SORBS2: variants seen among roughly 807,000 people sequenced by gnomAD.
SORBS2 encodes sorbin and SH3 domain-containing protein 2.
SORBS2 carries 46 observed loss-of-function variants against 97.7 expected under a neutral mutation model. That is an observed-to-expected ratio of 0.47 (90% CI 0.37 to 0.60). The LOEUF is 0.60. SORBS2 is among the 20% of genes least tolerant of loss of function. SORBS2 has a pLI of 0.00. For missense variants in SORBS2, 1,316 were observed against 1,282.3 expected, an observed-to-expected ratio of 1.03 and a Z score of -0.40; for synonymous variants, 476 against 473.4, an observed-to-expected ratio of 1.01 and a Z score of -0.07.
Position 185,947,789 on chromosome 4 carries a change from T to C in SORBS2, c.-338+8407A>G, listed in dbSNP as rs2099275257. On this transcript the variant is annotated intron_variant, in intron 1 of 20. Coordinates refer to the SORBS2 transcript ENST00000284776. ...CCACACCCAGGTAATTTTTGTATTT[T>C]TAGCAGAGACGAGGTTTCACCAGGT... Among the ~76,000 whole-genome samples, 2 of 152,196 alleles carry C rather than the reference T, an allele frequency of 1.3e-5. 1 individual carries two copies. The highest frequency in any genetic ancestry group is 1.3e-4 in the Admixed American group (2 of 15,286).
At chr4:185,657,570 C>T (rs771353389), upstream of SORBS2, 9 of 1,588,270 alleles carry the variant, frequency 5.7e-6, no homozygotes, top group Admixed American at 1.3e-4. Flanking sequence ...AGAGACTGCG[C>T]ATGCTGGGGA....
At chr4:185,736,132 A>G (rs2098686226) in intron 2 of SORBS2, among the ~76,000 whole-genome samples, 1 of 152,164 alleles carries the variant, frequency 6.6e-6, no homozygotes, top group African/African-American at 2.4e-5. Context: ...AGCGCGAGGG[A>G]CCCTTGTCAT....
intron 2 of SORBS2, 99 bp from the exon 11 acceptor site, chr4:185,651,927 G>A (rs2097321754): frequency 1.4e-6 from 1 of 715,652 alleles, no homozygotes; most frequent in Non-Finnish European, 2.5e-6. Flanking sequence ...TGTTAGAAAA[G>A]CAACGTATTT....
intron 6 of SORBS2, among the ~76,000 whole-genome samples, chr4:185,625,914 G>A (rs1229026436): frequency 6.6e-6 from 1 of 152,200 alleles, no homozygotes; most frequent in African/African-American, 2.4e-5. Flanking sequence ...AATTGGTCTG[G>A]TTTTATAGAA....
In SORBS2 at chr4:185,821,644, G is replaced by A. The variant is rs374227008; in HGVS notation, c.-337-46278C>T. Among the ~76,000 whole-genome samples the A allele has an allele frequency of 6.2e-4, 95 of 152,118 alleles. No individual in the cohort carries two copies. In the South Asian group the frequency reaches 0.015, roughly 24 times the overall value. ...TCGCCATGTTGACCAGGCTGGTCTC[G>A]AACTCCTGACCTCAGGTGATCTGCC... On this transcript the variant is annotated intron_variant, in intron 1 of 20. Transcript: ENST00000284776.
chr4:185,598,649 A>G, intron 12 of SORBS2, among the ~76,000 whole-genome samples: 1 of 152,264 alleles, frequency 6.6e-6, no homozygotes, highest in Admixed American at 6.5e-5. Flanking sequence ...AAGCAGTGCT[A>G]AAGTGTTTTT....
chr4:185,619,977 G>A (rs1278166303), intron 8 of SORBS2, 86 bp downstream of exon 20: 6 of 835,102 alleles, frequency 7.2e-6, no homozygotes, highest in Non-Finnish European at 1.3e-5. Flanking sequence ...GTCCGAGTTC[G>A]TTACTGGTTT....
intron 2 of SORBS2, 66 bp downstream of exon 11, chr4:185,651,718 C>T: frequency 1.1e-6 from 1 of 873,396 alleles, no homozygotes; most frequent in Non-Finnish European, 2.0e-6. Context: ...AAAAAGGTGA[C>T]CGTGTCGTTC....
intron 4 of SORBS2, among the ~76,000 whole-genome samples, chr4:185,642,889 G>A (rs2097149436): frequency 6.6e-6 from 1 of 152,188 alleles, no homozygotes; most frequent in Non-Finnish European, 1.5e-5. Context: ...TGGGCCTTTT[G>A]CACTAGAAAT....
chr4:185,719,632 T>C (rs777338996), intron 2 of SORBS2, among the ~76,000 whole-genome samples: 1 of 152,226 alleles, frequency 6.6e-6, no homozygotes, highest in Non-Finnish European at 1.5e-5. Context: ...TAGCATGAGA[T>C]GTTAGTTTTT....
At chr4:185,947,696 C>T (rs1398645789) in intron 1 of SORBS2, among the ~76,000 whole-genome samples, 3 of 152,174 alleles carry the variant, frequency 2.0e-5, no homozygotes, top group East Asian at 1.9e-4. Flanking sequence ...CTGCAACCTC[C>T]GCCTCCTGGG....
intron 2 of SORBS2, among the ~76,000 whole-genome samples, chr4:185,706,858 C>T (rs1428957912): frequency 1.3e-5 from 2 of 152,044 alleles, no homozygotes; most frequent in South Asian, 2.1e-4. Flanking sequence ...ACTTGGTCTC[C>T]TATATAATAT....
intron 6 of SORBS2, among the ~76,000 whole-genome samples, chr4:185,626,591 G>A (rs1446543493): frequency 6.6e-6 from 1 of 152,130 alleles, no homozygotes; most frequent in Non-Finnish European, 1.5e-5. Flanking sequence ...TTTAGAAAGG[G>A]ATCTATTTGG....
rs750903976 is a variant in SORBS2, at chr4:185,589,660, G to C, written c.2953+19C>G. ...AATTACAAAATAGCCGAAGGTGCCT[G>C]AGGAAGAAGCGCACATACCCACAAA... On this transcript the variant is annotated intron_variant, in intron 14 of 14. Transcript: ENST00000418609. The C allele has an allele frequency of 2.1e-6, 3 of 1,459,588 alleles. No individual in the cohort carries two copies. The African/African-American group carries it at 4.2e-5, about 20-fold the overall frequency. 90.4% of individuals were successfully genotyped at this position (1,459,588 alleles called of 1,614,324 possible). A position where few individuals can be genotyped will look rare whatever the true frequency, so the allele number is the denominator to read the frequency against.
chr4:185,847,260 C>A (rs2099215071), intron 1 of SORBS2, among the ~76,000 whole-genome samples: 1 of 152,128 alleles, frequency 6.6e-6, no homozygotes, highest in Non-Finnish European at 1.5e-5. Context: ...GATAAGAAAT[C>A]AAAATCTAAT....
intron 2 of SORBS2, among the ~76,000 whole-genome samples, chr4:185,703,432 C>T (rs1055516431): frequency 6.6e-6 from 1 of 152,058 alleles, no homozygotes; most frequent in Non-Finnish European, 1.5e-5. Flanking sequence ...CCAAATATTA[C>T]GTTTTTGCAT....
intron 2 of SORBS2, among the ~76,000 whole-genome samples, chr4:185,718,818 C>T (rs548758832): frequency 8.5e-5 from 13 of 152,304 alleles, no homozygotes; most frequent in African/African-American, 2.6e-4. Flanking sequence ...GAGTCAGACA[C>T]TCAGGTTATG....
chr4:185,941,476 A>G (rs1030761062), intron 1 of SORBS2, among the ~76,000 whole-genome samples: 3 of 152,262 alleles, frequency 2.0e-5, no homozygotes, highest in African/African-American at 7.2e-5. Context: ...CTGTCTAGAC[A>G]TATAGGAGGC....
intron 2 of SORBS2, among the ~76,000 whole-genome samples, chr4:185,736,377 G>C (rs2098687807): frequency 6.6e-6 from 1 of 152,206 alleles, no homozygotes; most frequent in African/African-American, 2.4e-5. Context: ...GTCTTGCCTG[G>C]TCTGTGAGTG....
Sources: gnomAD v4.1 joint callset for allele counts (sites outside exome capture counted in the v4.1 genomes callset) on GRCh38, gnomAD v4.1.1 for gene constraint, MANE v1.5 for transcripts, NCBI Gene and HGNC (gene_info 2026-07-23, HGNC 2026-07-21) for gene names.